RNASE11: variants seen among roughly 807,000 people sequenced by gnomAD.
RNASE11 encodes putative inactive ribonuclease 11.
For synonymous variants in RNASE11, 105 were observed against 86.1 expected (o/e 1.22, Z -1.21); for missense variants, 252 against 237.8 (o/e 1.06, Z -0.39).
upstream of RNASE11, among the ~76,000 whole-genome samples, chr14:20,589,890 A>T (rs1455005164): frequency 1.3e-5 from 2 of 152,162 alleles, no homozygotes; most frequent in African/African-American, 4.8e-5. Flanking sequence ...TCCGTCTCAA[A>T]AAAAGAAAAA....
downstream of RNASE11, chr14:20,583,195 C>T (rs568839421): frequency 6.6e-6 from 1 of 152,352 alleles, no homozygotes; most frequent in Non-Finnish European, 1.5e-5. Flanking sequence ...CTTGCCATTC[C>T]TCTCCCACAG....
At chr14:20,584,348 C>G in exon 2 of RNASE11, 1 of 1,614,074 alleles carries the variant, frequency 6.2e-7, no homozygotes. Context: ...TTTTCTTGGC[C>G]ACTTTTTGCC....
chr14:20,589,400 C>G (rs865853443), upstream of RNASE11, among the ~76,000 whole-genome samples: 1 of 151,168 alleles, frequency 6.6e-6, no homozygotes, highest in East Asian at 2.0e-4. Context: ...ACTATAGGCG[C>G]CCGCCACCAC....
intron 1 of RNASE11, among the ~76,000 whole-genome samples, chr14:20,585,598 C>T (rs915665225): frequency 1.3e-5 from 2 of 152,140 alleles, no homozygotes; most frequent in African/African-American, 2.4e-5. Context: ...CTTCACTCCT[C>T]CAGTTAGTAT....
rs139573398 is a variant in RNASE11 at position 20,586,487 on chromosome 14, G to A, written c.-23+1076C>T. ...TAAAATGTCTGTGTGAGAAACTAGA[G>A]GAAAAACCTAGCACCAAGAATACAT... On this transcript the variant is annotated intron_variant, in intron 1 of 1. Transcript: ENST00000553849. Among the ~76,000 whole-genome samples, 7 of 152,256 alleles carry A rather than the reference G, an allele frequency of 4.6e-5. No individual in the cohort carries two copies. In the East Asian group the frequency reaches 1.4e-3, roughly 29 times the overall value.
upstream of RNASE11, chr14:20,590,176 C>A (rs573019852): frequency 7.9e-5 from 119 of 1,512,562 alleles, 1 homozygote; most frequent in South Asian, 1.5e-3. Flanking sequence ...CTTCCCCTTC[C>A]GCTCAAGGCA....
exon 2 of RNASE11, chr14:20,583,854 A>G (rs1389627813): frequency 2.5e-6 from 4 of 1,577,970 alleles, no homozygotes; most frequent in Non-Finnish European, 3.4e-6. Context: ...GTAAGACCCT[A>G]GTCCTAAAGC....
intron 1 of RNASE11, among the ~76,000 whole-genome samples, chr14:20,585,593 C>G (rs373343393): frequency 3.9e-5 from 6 of 152,184 alleles, no homozygotes; most frequent in African/African-American, 1.4e-4. Flanking sequence ...GCATTCTTCA[C>G]TCCTCCAGTT....
exon 2 of RNASE11, chr14:20,584,368 T>C: frequency 6.2e-7 from 1 of 1,614,250 alleles, no homozygotes; most frequent in Middle Eastern, 1.6e-4. Flanking sequence ...CATGTCATAT[T>C]GCATCTCTTC....
chr14:20,584,521 GATAAA>G (rs1392579059), intron 1 of RNASE11, 25 bp from the exon 3 acceptor site: 11 of 1,508,790 alleles, frequency 7.3e-6, no homozygotes, highest in Non-Finnish European at 9.7e-6. Flanking sequence ...ATAAATGAAA[GATAAA>G]ATAAGAAGAT....
At chr14:20,589,847 A>G (rs893311927), upstream of RNASE11, among the ~76,000 whole-genome samples, 1 of 152,132 alleles carries the variant, frequency 6.6e-6, no homozygotes, top group Admixed American at 6.5e-5. Context: ...AGATCGTGCC[A>G]TTGCACCCCA....
chr14:20,583,788 G>C, exon 2 of RNASE11: 2 of 1,382,074 alleles, frequency 1.4e-6, no homozygotes, highest in Non-Finnish European at 9.8e-7. Context: ...TAGTGCTAAA[G>C]AGTAGATATT....
exon 2 of RNASE11, chr14:20,583,849 AC>A (rs1198421290): frequency 1.3e-6 from 2 of 1,564,154 alleles, no homozygotes; most frequent in Admixed American, 1.9e-5. Flanking sequence ...CTTTAGTAAG[AC>A]CCTAGTCCTA....
exon 2 of RNASE11, chr14:20,584,125 C>T (rs1307282653): frequency 3.1e-6 from 5 of 1,614,094 alleles, no homozygotes; most frequent in Admixed American, 1.7e-5. Context: ...GAAGTTATTG[C>T]TCCACTTGCA....
At chr14:20,589,247 T>A (rs1884505985), upstream of RNASE11, among the ~76,000 whole-genome samples, 1 of 148,140 alleles carries the variant, frequency 6.8e-6, no homozygotes, top group Non-Finnish European at 1.5e-5. Context: ...ATTTTGAGCA[T>A]CCAAGATTTC....
At chr14:20,589,938 A>G (rs939575197), upstream of RNASE11, among the ~76,000 whole-genome samples, 2 of 152,172 alleles carry the variant, frequency 1.3e-5, no homozygotes, top group South Asian at 2.1e-4. Context: ...CTAGGTTACT[A>G]GGTTTTTGGT....
At chr14:20,587,467 G>T in intron 1 of RNASE11, 96 bp downstream of exon 2, 2 of 482,896 alleles carry the variant, frequency 4.1e-6, no homozygotes, top group Non-Finnish European at 5.4e-6. Flanking sequence ...GAAAATAGAT[G>T]TAGGAACCTA....
exon 2 of RNASE11, chr14:20,584,356 G>A: frequency 6.2e-7 from 1 of 1,614,030 alleles, no homozygotes; most frequent in African/African-American, 1.3e-5. Context: ...GCCACTTTTT[G>A]CCATGTCATA....
upstream of RNASE11, chr14:20,587,831 G>A (rs1470021068): frequency 3.0e-6 from 3 of 985,400 alleles, no homozygotes; most frequent in Non-Finnish European, 2.4e-6. Context: ...GGTTACAAAA[G>A]ACAGAGCTAA....
Sources: gnomAD v4.1 joint callset for allele counts (sites outside exome capture counted in the v4.1 genomes callset) on GRCh38, gnomAD v4.1.1 for gene constraint, MANE v1.5 for transcripts, NCBI Gene and HGNC (gene_info 2026-07-23, HGNC 2026-07-21) for gene names.